The following ST7L variants were observed in gnomAD, a reference collection of about 807,000 sequenced individuals.
The protein encoded by ST7L is suppression of tumorigenicity 7 like.
Under a neutral mutation model 72.5 loss-of-function variants are expected in ST7L, and 57 were observed. That is an observed-to-expected ratio of 0.79 (90% CI 0.64 to 0.98). The LOEUF is 0.98. Among genes scored for constraint, ST7L ranks in the 50% least tolerant of loss-of-function variants. The probability of loss-of-function intolerance (pLI) is 0.00; values close to 1 mark genes in which losing one functional copy is unlikely to be tolerated. For missense variants in ST7L, 576 were observed against 672.2 expected, an observed-to-expected ratio of 0.86 and a Z score of 1.58; for synonymous variants, 221 against 240.9, an observed-to-expected ratio of 0.92 and a Z score of 0.77.
At position 112,523,775 on chromosome 1, in the gene ST7L, A is replaced by C. The variant is rs1653012584; in HGVS notation, c.*2238T>G. 6.6e-6 allele frequency: 1 copy of C among 152,190 alleles called. No individual in the cohort carries two copies. Among genetic ancestry groups the C allele is most frequent in the African/African-American group, 2.4e-5 (1 of 41,448 alleles). 9.4% of individuals were successfully genotyped at this position (152,190 alleles called of 1,614,324 possible). On this transcript the variant is annotated 3_prime_UTR_variant, in exon 15 of 15. Coordinates refer to ENST00000358039, the MANE Select transcript of ST7L (RefSeq NM_017744.5). ...TTTAGATACAAACTTAAAACATACT[A>C]TATATTTTAAGGATCTAAGAATCCT...
chr1:112,556,023 AAG>A lies in ST7L; in HGVS notation c.1246-7_1246-6del. ...ACTTTTCATCTCTAATAAATACTGAAAGAGTAACACACAGACACATATACACA... is the reference window on the plus strand; with the variant it reads ...ACTTTTCATCTCTAATAAATACTGAAAGTAACACACAGACACATATACACA... On this transcript the variant is annotated splice_region_variant and splice_polypyrimidine_tract_variant and intron_variant, in intron 11 of 14. Coordinates refer to ENST00000358039, the MANE Select transcript of ST7L (RefSeq NM_017744.5). 1 of 1,591,136 alleles carries A rather than the reference AAG, an allele frequency of 6.3e-7. No individual in the cohort carries two copies. The highest frequency in any genetic ancestry group is 2.2e-5 in the East Asian group (1 of 44,586).
At chr1:112,543,717 A>G (rs1656580172) in intron 13 of ST7L, among the ~76,000 whole-genome samples, 2 of 151,958 alleles carry the variant, frequency 1.3e-5, no homozygotes, top group South Asian at 4.2e-4. Flanking sequence ...AAAAATAGAA[A>G]GATTAGCCAG....
intron 11 of ST7L, among the ~76,000 whole-genome samples, chr1:112,575,153 C>T (rs527902242): frequency 3.9e-5 from 6 of 152,226 alleles, no homozygotes; most frequent in East Asian, 3.9e-4. Context: ...GCAGAAGAAT[C>T]GCTTGAACTC....
At chr1:112,558,072 G>C (rs180978105) in intron 11 of ST7L, among the ~76,000 whole-genome samples, 7 of 152,262 alleles carry the variant, frequency 4.6e-5, no homozygotes, top group Admixed American at 2.0e-4. Context: ...AACTTACTTA[G>C]TTAGCTAAAT....
At chr1:112,614,561 A>C (rs1669565838) in intron 2 of ST7L, among the ~76,000 whole-genome samples, 1 of 152,180 alleles carries the variant, frequency 6.6e-6, no homozygotes, top group Non-Finnish European at 1.5e-5. Flanking sequence ...ATTTCACTTT[A>C]ACAAAATGGT....
At position 112,525,981 on chromosome 1, in the gene ST7L, A is replaced by C; in HGVS notation, c.*32T>G. 1.2e-6 allele frequency: 2 copies of C among 1,612,392 alleles called. No individual in the cohort carries two copies. Among genetic ancestry groups the C allele is most frequent in the Non-Finnish European group, 1.7e-6 (2 of 1,178,854 alleles). On this transcript the variant is annotated 3_prime_UTR_variant, in exon 15 of 15. Transcript: ENST00000358039. ...AGATGCTGTTCAGAAAAATTTGGTG[A>C]TTTGTCCAAGGTCACATGAACAGTG...
chr1:112,582,558 G>A, intron 7 of ST7L, 86 bp from the exon 8 acceptor site: 1 of 732,400 alleles, frequency 1.4e-6, no homozygotes, highest in Non-Finnish European at 2.2e-6. Flanking sequence ...AATTTTATTT[G>A]CTTCCCTTGG....
chr1:112,540,971 C>A, intron 14 of ST7L: 1 of 711,866 alleles, frequency 1.4e-6, no homozygotes, highest in Non-Finnish European at 2.1e-6. Context: ...GAGCCAGTGA[C>A]ATTAATAAGT....
At chr1:112,522,478 A>G (rs1040779129), downstream of ST7L, 2 of 152,214 alleles carry the variant, frequency 1.3e-5, no homozygotes, top group Non-Finnish European at 2.9e-5. Context: ...TAGATTAAGG[A>G]GCCTGCATAA....
intron 11 of ST7L, among the ~76,000 whole-genome samples, chr1:112,575,326 C>A (rs1053601225): frequency 2.0e-5 from 3 of 152,174 alleles, no homozygotes; most frequent in Non-Finnish European, 4.4e-5. Flanking sequence ...ACAAATAGTA[C>A]CAAACCCTAC....
intron 11 of ST7L, among the ~76,000 whole-genome samples, chr1:112,563,797 C>G (rs563668406): frequency 6.6e-6 from 1 of 152,156 alleles, no homozygotes; most frequent in Non-Finnish European, 1.5e-5. Flanking sequence ...TAATTTTGAA[C>G]TGCTTTGATC....
intron 6 of ST7L, among the ~76,000 whole-genome samples, chr1:112,591,252 A>C (rs2101951679): frequency 6.6e-6 from 1 of 152,174 alleles, no homozygotes; most frequent in East Asian, 1.9e-4. Flanking sequence ...TACCCTTTTA[A>C]CTATAAAGTA....
At chr1:112,536,203 A>G (rs558361286) in intron 14 of ST7L, among the ~76,000 whole-genome samples, 1 of 152,204 alleles carries the variant, frequency 6.6e-6, no homozygotes, top group Admixed American at 6.5e-5. Context: ...AAAAAGTCTC[A>G]TAGCTTTGAA....
intron 7 of ST7L, among the ~76,000 whole-genome samples, chr1:112,582,937 C>T (rs974882098): frequency 6.6e-6 from 1 of 151,912 alleles, no homozygotes; most frequent in Non-Finnish European, 1.5e-5. Flanking sequence ...CTAATGTAAA[C>T]TTTTCTTAAC....
At chr1:112,582,499 C>A in intron 7 of ST7L, 27 bp from the exon 8 acceptor site, 1 of 1,359,554 alleles carries the variant, frequency 7.4e-7, no homozygotes, top group South Asian at 1.2e-5. Flanking sequence ...AAAAATGATA[C>A]AACTATCACT....
rs564612470 is a variant in ST7L at position 112,571,846 on chromosome 1, A to T, written c.1245+5140T>A. ...ACTGCAATAAAGCAAATATCAAAAT[A>T]AAGCAAGTCACACAAATTTTTTGGT... On this transcript the variant is annotated intron_variant, in intron 11 of 14. Coordinates refer to ENST00000358039, the MANE Select transcript of ST7L (RefSeq NM_017744.5). Among the ~76,000 whole-genome samples the T allele has an allele frequency of 7.9e-5, 12 of 152,372 alleles. No individual in the cohort carries two copies. The South Asian group carries it at 2.5e-3, about 32-fold the overall frequency.
intron 11 of ST7L, among the ~76,000 whole-genome samples, chr1:112,570,570 T>TATATATAC (rs1183877129): frequency 1.0e-3 from 145 of 143,400 alleles, no homozygotes; most frequent in African/African-American, 3.6e-3. Flanking sequence ...TATATATATA[T>TATATATAC]ACACACACAC....
chr1:112,540,969 G>T, intron 14 of ST7L: 1 of 727,898 alleles, frequency 1.4e-6, no homozygotes, highest in Non-Finnish European at 2.0e-6. Context: ...TTGAGCCAGT[G>T]ACATTAATAA....
upstream of ST7L, chr1:112,619,525 C>T (rs1237915887): frequency 1.9e-6 from 1 of 527,198 alleles, no homozygotes; most frequent in African/African-American, 1.9e-5. Flanking sequence ...GGAGTAGCAA[C>T]AGCTATTTGG....
Sources: gnomAD v4.1 joint callset for allele counts (sites outside exome capture counted in the v4.1 genomes callset) on GRCh38, gnomAD v4.1.1 for gene constraint, MANE v1.5 for transcripts, NCBI Gene and HGNC (gene_info 2026-07-23, HGNC 2026-07-21) for gene names.